The following ANK1 variants were observed in gnomAD, a reference collection of about 807,000 sequenced individuals.
The protein encoded by ANK1 is ankyrin-1.
Under a neutral mutation model 210.4 loss-of-function variants are expected in ANK1, and 51 were observed. The ratio of observed to expected loss-of-function variants is 0.24; its 90% CI spans 0.19 to 0.31. ANK1 has a LOEUF of 0.31. Among genes scored for constraint, ANK1 ranks in the 10% least tolerant of loss-of-function variants. The probability of loss-of-function intolerance (pLI) is 1.00; values close to 1 mark genes in which losing one functional copy is unlikely to be tolerated. For missense variants in ANK1, 2,051 were observed against 2,504.4 expected (o/e 0.82, Z 3.86); for synonymous variants, 967 against 1,025.9 (o/e 0.94, Z 1.10).
At chr8:41,790,084 C>T (rs1167186859) in intron 1 of ANK1, among the ~76,000 whole-genome samples, 1 of 152,060 alleles carries the variant, frequency 6.6e-6, no homozygotes, top group African/African-American at 2.4e-5. Context: ...CACCAAACTG[C>T]ACTCTCCATG....
intron 1 of ANK1, among the ~76,000 whole-genome samples, chr8:41,827,355 C>G (rs1416821333): frequency 6.6e-6 from 1 of 152,256 alleles, no homozygotes; most frequent in Non-Finnish European, 1.5e-5. Flanking sequence ...GCCAGAGTAG[C>G]TGGCCAAGAT....
chr8:41,695,531 C>T (rs1274461639), intron 26 of ANK1, among the ~76,000 whole-genome samples, 200 bp from the exon 27 acceptor site: 1 of 152,230 alleles, frequency 6.6e-6, no homozygotes, highest in Non-Finnish European at 1.5e-5. Flanking sequence ...CGCTTGCTCC[C>T]CGCCAGGCCT....
At position 41,655,656 on chromosome 8, in the gene ANK1, G is replaced by A. The variant is rs1017632824; in HGVS notation, c.*134C>T. Reference sequence around the variant, plus strand: ...CAGAGGTCATGCCGTCAGCCCAGAGGAATGTGTGCACCGCTGCGGTGGCCC... The same window carrying A: ...CAGAGGTCATGCCGTCAGCCCAGAGAAATGTGTGCACCGCTGCGGTGGCCC... On this transcript the variant is annotated 3_prime_UTR_variant, in exon 43 of 43. Coordinates refer to ENST00000289734, the MANE Select transcript of ANK1 (RefSeq NM_000037.4). 3.2e-6 allele frequency: 5 copies of A among 1,558,158 alleles called. No homozygotes were observed. In the African/African-American group the frequency reaches 6.8e-5, roughly 21 times the overall value.
intron 2 of ANK1, among the ~76,000 whole-genome samples, chr8:41,743,058 C>T (rs1363817354): frequency 6.6e-6 from 1 of 152,210 alleles, no homozygotes; most frequent in African/African-American, 2.4e-5. Context: ...CCAACTTGTA[C>T]ATGTGTGACC....
At chr8:41,731,204 A>G (rs1174595464) in intron 3 of ANK1, among the ~76,000 whole-genome samples, 1 of 152,162 alleles carries the variant, frequency 6.6e-6, no homozygotes, top group Non-Finnish European at 1.5e-5. Context: ...GTGAGCCTCT[A>G]TTTTCTCTGC....
Position 41,756,704 on chromosome 8 carries a change from G to A in ANK1, c.129+1332C>T, listed in dbSNP as rs1045547099. Among the ~76,000 whole-genome samples, 4 of 152,280 alleles carry A rather than the reference G, an allele frequency of 2.6e-5. No individual in the cohort carries two copies. In the East Asian group the frequency reaches 7.7e-4, roughly 29 times the overall value. On this transcript the variant is annotated intron_variant, in intron 2 of 42. Coordinates refer to ENST00000289734, the MANE Select transcript of ANK1 (RefSeq NM_000037.4). ...GTGATCCGCCCACCTCAGCCTCCTG[G>A]AGTGCTGGCATTACAGGCATGAGCC...
intron 33 of ANK1, 128 bp from the exon 34 acceptor site, chr8:41,688,717 C>T (rs1056381632): frequency 8.7e-6 from 7 of 802,686 alleles, no homozygotes; most frequent in Admixed American, 8.0e-5. Flanking sequence ...CAGTCCGTTT[C>T]TTCAGGGACT....
intron 1 of ANK1, among the ~76,000 whole-genome samples, chr8:41,784,465 C>T (rs561974614): frequency 6.6e-6 from 1 of 152,314 alleles, no homozygotes; most frequent in South Asian, 2.1e-4. Context: ...TCAATAAGAT[C>T]TGTAATACAA....
intron 33 of ANK1, 51 bp downstream of exon 33, chr8:41,690,176 C>T (rs1248390392): frequency 6.2e-7 from 1 of 1,613,302 alleles, no homozygotes; most frequent in East Asian, 2.2e-5. Flanking sequence ...TTGGGGACCT[C>T]CTACAGGGAA....
At position 41,794,689 on chromosome 8, in the gene ANK1, T is replaced by C. The variant is rs367987751; in HGVS notation, c.27+2823A>G. Reference sequence around the variant, plus strand: ...ACAATAGGTGCTTCATAAATGCTTGTTAAAGGTTTTTGTTTGTTTGTTTGT... The same window carrying C: ...ACAATAGGTGCTTCATAAATGCTTGCTAAAGGTTTTTGTTTGTTTGTTTGT... On this transcript the variant is annotated intron_variant, in intron 1 of 42. Transcript: ENST00000289734. Among the ~76,000 whole-genome samples, 11 of 152,320 alleles carry C rather than the reference T, an allele frequency of 7.2e-5. No individual in the cohort carries two copies. In the South Asian group the frequency reaches 1.2e-3, roughly 17 times the overall value.
chr8:41,811,732 G>C (rs1431402245), intron 1 of ANK1, among the ~76,000 whole-genome samples: 1 of 152,244 alleles, frequency 6.6e-6, no homozygotes, highest in African/African-American at 2.4e-5. Flanking sequence ...CAGGGATGCT[G>C]TGAGGACTCC....
chr8:41,699,634 T>G, intron 22 of ANK1, 86 bp from the exon 23 acceptor site: 1 of 1,282,138 alleles, frequency 7.8e-7, no homozygotes, highest in African/African-American at 1.5e-5. Context: ...CCGCTCCGCC[T>G]CTGGGGGCTT....
intron 1 of ANK1, among the ~76,000 whole-genome samples, chr8:41,830,830 C>T (rs549765512): frequency 3.1e-4 from 47 of 152,298 alleles, no homozygotes; most frequent in African/African-American, 1.1e-3. Context: ...CAGACAGCTC[C>T]ATCAAGCCAA....
At chr8:41,801,854 G>T (rs572313291), upstream of ANK1, among the ~76,000 whole-genome samples, 126 of 151,916 alleles carry the variant, frequency 8.3e-4, no homozygotes, top group African/African-American at 2.4e-3. Flanking sequence ...AACTAATATG[G>T]GTTTTAATGT....
rs1834585399 is a variant in ANK1, at chr8:41,740,759, C to G, written c.130-6690G>C. Among the ~76,000 whole-genome samples, 3 of 152,200 alleles carry G rather than the reference C, an allele frequency of 2.0e-5. No individual in the cohort carries two copies. The South Asian group carries it at 6.2e-4, about 31-fold the overall frequency. On this transcript the variant is annotated intron_variant, in intron 2 of 42. Transcript: ENST00000289734. ...GCAGTGAGTGCTGGATAAGCCAGCT[C>G]AGGCCTCTGGGGCTGACACACAGGT... is the stretch of plus-strand genomic sequence containing the variant.
chr8:41,830,650 G>A (rs1806423652), intron 1 of ANK1, among the ~76,000 whole-genome samples: 3 of 152,160 alleles, frequency 2.0e-5, no homozygotes, highest in Non-Finnish European at 2.9e-5. Context: ...TAGGGCTTTC[G>A]GGGATAGGAC....
chr8:41,690,774 G>T (rs1394039621), intron 31 of ANK1, among the ~76,000 whole-genome samples, 175 bp from the exon 32 acceptor site: 6 of 152,230 alleles, frequency 3.9e-5, no homozygotes, highest in African/African-American at 1.4e-4. Flanking sequence ...CCAAAATTGT[G>T]ATCAATGAGG....
At chr8:41,661,167 T>C (rs1447800930) in intron 42 of ANK1, 3 of 491,198 alleles carry the variant, frequency 6.1e-6, no homozygotes, top group African/African-American at 5.8e-5. Flanking sequence ...TGAGCCACTG[T>C]GCCCGGCCCA....
rs1482010268 is a variant in ANK1 at position 41,672,856 on chromosome 8, A to T, written c.4594T>A (p.Ser1532Thr). ...LSPASLGCAL[S>T]SPLRADQYWN... is the part of the protein sequence containing the mutation. ...TACTGGTCTGCACGTAGCGGAGAGG[A>T]AAGTGCACAGCCCAGGGAGGCAGGG... Residue 1532 changes from serine to threonine, a missense_variant, in exon 38 of 43, where the codon TCC (serine) becomes ACC (threonine). Coordinates refer to ENST00000289734, the MANE Select transcript of ANK1 (RefSeq NM_000037.4). 7 of 1,610,650 alleles carry T rather than the reference A, an allele frequency of 4.3e-6. No homozygotes were observed. The highest frequency in any genetic ancestry group is 5.9e-6 in the Non-Finnish European group (7 of 1,179,936).
Sources: gnomAD v4.1 joint callset for allele counts (sites outside exome capture counted in the v4.1 genomes callset) on GRCh38, gnomAD v4.1.1 for gene constraint, MANE v1.5 for transcripts, NCBI Gene and HGNC (gene_info 2026-07-23, HGNC 2026-07-21) for gene names.